The following KCTD8 variants were observed in gnomAD, a reference collection of about 807,000 sequenced individuals.
KCTD8 encodes the protein BTB/POZ domain-containing protein KCTD8.
A neutral mutation model predicts 31.5 loss-of-function variants in KCTD8; 27 were observed. That is an observed-to-expected ratio of 0.86 (90% CI 0.63 to 1.18). The LOEUF (loss-of-function observed/expected upper bound fraction) is 1.18, where lower values mean the gene tolerates loss of function less well. Ranked by LOEUF, KCTD8 falls within the 50% of genes most tolerant of loss-of-function variation. The pLI is 0.00. For synonymous variants in KCTD8, 290 were observed against 280.0 expected (o/e 1.04, Z -0.36); for missense variants, 658 against 647.7 (o/e 1.02, Z -0.17).
At chr4:44,258,422 G>C (rs1441612115) in intron 1 of KCTD8, among the ~76,000 whole-genome samples, 2 of 151,866 alleles carry the variant, frequency 1.3e-5, no homozygotes, top group African/African-American at 4.8e-5. Context: ...TAGAGTGCTA[G>C]AAAAGAGTTT....
chr4:44,351,201 T>A (rs757944843), intron 1 of KCTD8, among the ~76,000 whole-genome samples: 1 of 152,116 alleles, frequency 6.6e-6, no homozygotes, highest in African/African-American at 2.4e-5. Context: ...GCAAGTTTAA[T>A]GAAAACATGA....
intron 1 of KCTD8, among the ~76,000 whole-genome samples, chr4:44,178,996 A>G (rs1713298176): frequency 6.6e-6 from 1 of 152,170 alleles, no homozygotes; most frequent in Non-Finnish European, 1.5e-5. Context: ...TGCCTGATGA[A>G]GTTCATAGGC....
At chr4:44,380,632 G>A (rs115820269) in intron 1 of KCTD8, among the ~76,000 whole-genome samples, 1,835 of 151,964 alleles carry the variant, frequency 0.012, 15 homozygotes, top group South Asian at 0.038. Flanking sequence ...TTACTACAGA[G>A]TTTCCACAAC....
At chr4:44,316,306 C>T (rs1335323965) in intron 1 of KCTD8, among the ~76,000 whole-genome samples, 1 of 152,002 alleles carries the variant, frequency 6.6e-6, no homozygotes, top group Non-Finnish European at 1.5e-5. Flanking sequence ...ATTCAATTTA[C>T]ACCTAAATAT....
chr4:44,341,964 G>A (rs889741380), intron 1 of KCTD8, among the ~76,000 whole-genome samples: 1 of 152,174 alleles, frequency 6.6e-6, no homozygotes, highest in Non-Finnish European at 1.5e-5. Context: ...AGGCTTAAAG[G>A]TCTTGATGCA....
chr4:44,412,094 T>G (rs1720974947), intron 1 of KCTD8, among the ~76,000 whole-genome samples: 1 of 152,136 alleles, frequency 6.6e-6, no homozygotes, highest in Non-Finnish European at 1.5e-5. Flanking sequence ...ATGTAATAAC[T>G]GGGCAGGGTA....
At chr4:44,341,601 C>T (rs1718900087) in intron 1 of KCTD8, among the ~76,000 whole-genome samples, 1 of 152,140 alleles carries the variant, frequency 6.6e-6, no homozygotes, top group South Asian at 2.1e-4. Context: ...CTCAAGAAAC[C>T]ACTTTCCTTC....
chr4:44,262,934 C>T (rs569877264), intron 1 of KCTD8, among the ~76,000 whole-genome samples: 1 of 152,058 alleles, frequency 6.6e-6, no homozygotes, highest in South Asian at 2.1e-4. Flanking sequence ...GGTATGAAAA[C>T]TAGAGCAAAG....
intron 1 of KCTD8, among the ~76,000 whole-genome samples, chr4:44,299,214 T>C (rs149686893): frequency 6.6e-6 from 1 of 152,266 alleles, no homozygotes; most frequent in East Asian, 1.9e-4. Flanking sequence ...AAAATACATA[T>C]GTAAAATCTC....
chr4:44,378,774 C>T (rs137901849), intron 1 of KCTD8, among the ~76,000 whole-genome samples: 46 of 152,188 alleles, frequency 3.0e-4, no homozygotes, highest in Non-Finnish European at 5.1e-4. Flanking sequence ...AAATTTTCTA[C>T]AGTTATAAAT....
chr4:44,323,189 TTTA>T, intron 1 of KCTD8, among the ~76,000 whole-genome samples: 1 of 151,954 alleles, frequency 6.6e-6, no homozygotes, highest in Non-Finnish European at 1.5e-5. Flanking sequence ...GCATGAATAT[TTTA>T]TTTTCATATA....
chr4:44,338,596 T>C (rs969615382), intron 1 of KCTD8, among the ~76,000 whole-genome samples: 1 of 152,214 alleles, frequency 6.6e-6, no homozygotes, highest in Admixed American at 6.5e-5. Context: ...CAGATACGTA[T>C]GGATGTGTGC....
rs545144487 is a variant in KCTD8 at position 44,206,090 on chromosome 4, A to T, written c.962-30840T>A. On this transcript the variant is annotated intron_variant, in intron 1 of 1. Transcript: ENST00000360029. ...GAAGGCAAGCTTTCTTAGATTATTT[A>T]TTTTTTTTTAATTTATAATAAATAT... Among the ~76,000 whole-genome samples, 59 of 151,394 alleles carry T rather than the reference A, an allele frequency of 3.9e-4. No homozygotes were observed. The South Asian group carries it at 6.7e-3, about 17-fold the overall frequency.
chr4:44,363,509 TAAG>T (rs146802507), intron 1 of KCTD8, among the ~76,000 whole-genome samples: 11,280 of 152,164 alleles, frequency 0.074, 470 homozygotes, highest in South Asian at 0.11. Context: ...TGAGATGCTG[TAAG>T]AAGGACCAAG....
chr4:44,272,269 G>A lies in KCTD8; in HGVS notation c.962-97019C>T, dbSNP rs367903061. ...TTCCAAAGTAACTATACAAAAATTA[G>A]CAACAGGAACATTTTTTTTCACAGA... On this transcript the variant is annotated intron_variant, in intron 1 of 1. Coordinates refer to ENST00000360029, the MANE Select transcript of KCTD8 (RefSeq NM_198353.3). Among the ~76,000 whole-genome samples, 211 of 151,574 alleles carry A rather than the reference G, an allele frequency of 1.4e-3. 9 individuals are homozygous for A. In the South Asian group the frequency reaches 0.04, roughly 29 times the overall value.
At chr4:44,336,628 A>C (rs1718753016) in intron 1 of KCTD8, among the ~76,000 whole-genome samples, 1 of 152,140 alleles carries the variant, frequency 6.6e-6, no homozygotes, top group South Asian at 2.1e-4. Flanking sequence ...CATAAACTGA[A>C]AAACAAAAAA....
Position 44,351,041 on chromosome 4 carries a change from C to T in KCTD8, c.961+96522G>A, listed in dbSNP as rs551081586. Among the ~76,000 whole-genome samples the T allele has an allele frequency of 4.6e-5, 7 of 152,242 alleles. No homozygotes were observed. The South Asian group carries it at 6.2e-4, about 14-fold the overall frequency. ...AGATATATTTCCAAATTTAGATCCTCGGCTTCCCTGACCTCCATCTATAAA... is the reference window on the plus strand; with the variant it reads ...AGATATATTTCCAAATTTAGATCCTTGGCTTCCCTGACCTCCATCTATAAA... On this transcript the variant is annotated intron_variant, in intron 1 of 1. Coordinates refer to ENST00000360029, the MANE Select transcript of KCTD8 (RefSeq NM_198353.3).
intron 1 of KCTD8, among the ~76,000 whole-genome samples, chr4:44,223,136 T>G (rs987198866): frequency 2.6e-5 from 4 of 152,256 alleles, no homozygotes; most frequent in South Asian, 2.1e-4. Flanking sequence ...AAAAATATAA[T>G]TTGAAGGTAG....
At chr4:44,262,232 G>T (rs1716201913) in intron 1 of KCTD8, among the ~76,000 whole-genome samples, 1 of 152,026 alleles carries the variant, frequency 6.6e-6, no homozygotes, top group South Asian at 2.1e-4. Context: ...GAGGGATGGG[G>T]AAGGATGCTT....
Sources: allele counts gnomAD v4.1 joint callset (sites outside exome capture counted in the v4.1 genomes callset), GRCh38; gene constraint gnomAD v4.1.1; transcripts MANE v1.5; gene names NCBI Gene and HGNC (gene_info 2026-07-23, HGNC 2026-07-21).